Variants in ARAP3 observed in about 807,000 individuals in gnomAD.
ARAP3 encodes ArfGAP with RhoGAP domain, ankyrin repeat and PH domain 3, also known as arf-GAP with Rho-GAP domain, ANK repeat and PH domain-containing protein 3.
A neutral mutation model predicts 169.2 loss-of-function variants in ARAP3; 82 were observed. The observed-to-expected ratio is 0.48, with a 90% CI of 0.41 to 0.58. The LOEUF (loss-of-function observed/expected upper bound fraction) is 0.58, where lower values mean the gene tolerates loss of function less well. Among genes scored for constraint, ARAP3 ranks in the 20% least tolerant of loss-of-function variants. The pLI is 0.00. For synonymous variants in ARAP3, 791 were observed against 800.3 expected, an observed-to-expected ratio of 0.99 and a Z score of 0.20; for missense variants, 1,764 against 2,018.0, an observed-to-expected ratio of 0.87 and a Z score of 2.41.
chr5:141,665,132 A>C, intron 18 of ARAP3, 47 bp from the exon 19 acceptor site: 1 of 1,582,098 alleles, frequency 6.3e-7, no homozygotes, highest in Non-Finnish European at 8.6e-7. Context: ...ACAGGCCCAG[A>C]TGCATGGGGA....
rs1326112098 is a variant in ARAP3 at position 141,658,581 on chromosome 5, T to G, written c.3409A>C (p.Lys1137Gln). The G allele has an allele frequency of 6.2e-7, 1 of 1,613,854 alleles. No homozygotes were observed. The highest frequency in any genetic ancestry group is 1.7e-5 in the Admixed American group (1 of 59,942). The change falls in exon 24 of 33, where the codon AAG (lysine) becomes CAG (glutamine). Residue 1137 changes from lysine (K) to glutamine (Q), a missense_variant and splice_region_variant. Lys to Gln is a moderately conservative substitution (Grantham distance 53, BLOSUM62 1). Around this residue, in one of 3 missense-constraint regions of ARAP3, gnomAD observed 1,112 missense variants for 1,285.7 expected, o/e 0.86. Transcript: ENST00000239440. ...CCTCCAGTCCCCTCAGGACCAACCT[T>G]CAGGGTGACACAGTTGTCTGGGAGC... ...QQLPDNCVTL[K>Q]VSPTLTAEEL... is the part of the protein sequence containing the mutation.
chr5:141,678,946 C>T (rs760581383), intron 4 of ARAP3, among the ~76,000 whole-genome samples: 5 of 152,206 alleles, frequency 3.3e-5, no homozygotes, highest in Admixed American at 1.3e-4. Context: ...CATCTACATC[C>T]GGTGCATGAT....
Position 141,669,712 on chromosome 5 carries a change from G to A in ARAP3, c.2349C>T (p.Gly783=). ...DSLEAWTSAV[G]KWFSPLSCHQ... ...AGAGGGCGCTCTCCTGTCTCACCTT[G>A]CCCACAGCACTAGTCCAGGCCTCCA... The change falls in exon 16 of 33, where the codon GGC becomes GGT. Residue 783 remains glycine (G), a synonymous_variant. Coordinates refer to ENST00000239440, the MANE Select transcript of ARAP3 (RefSeq NM_022481.6). 6.2e-7 allele frequency: 1 copy of A among 1,613,968 alleles called. No homozygotes were observed. Among genetic ancestry groups the A allele is most frequent in the South Asian group, 1.1e-5 (1 of 91,080 alleles).
intron 18 of ARAP3, 60 bp from the exon 19 acceptor site, chr5:141,665,145 A>G: frequency 6.4e-7 from 1 of 1,571,960 alleles, no homozygotes. Context: ...CATGGGGACC[A>G]GACTTCCCAG....
rs1055236049 is a variant in ARAP3, at chr5:141,672,231, G to A, written c.1456C>T (p.Leu486=). Reference sequence around the variant, plus strand: ...TTCTCAGCCACCTCGTAGTCAGACAGGGTCTCGGTTACTGCTTCCTGCAGA... The same window carrying A: ...TTCTCAGCCACCTCGTAGTCAGACAAGGTCTCGGTTACTGCTTCCTGCAGA... The part of the protein sequence containing the change: ...AALQEAVTET[L]SDYEVAEKIW... The change falls in exon 10 of 33, where the codon CTG becomes TTG. Residue 486 remains leucine, a synonymous_variant. Coordinates refer to ENST00000239440, the MANE Select transcript of ARAP3 (RefSeq NM_022481.6). This position sits in a 1 kb window ranked among gnomAD's most constrained non-coding sequence, Gnocchi z 4.9. 1 of 1,614,124 alleles carries A rather than the reference G, an allele frequency of 6.2e-7. No homozygotes were observed. The highest frequency in any genetic ancestry group is 1.3e-5 in the African/African-American group (1 of 74,946).
intron 21 of ARAP3, among the ~76,000 whole-genome samples, chr5:141,660,410 C>T (rs904529500): frequency 4.0e-5 from 6 of 150,918 alleles, no homozygotes; most frequent in African/African-American, 1.2e-4. Flanking sequence ...AGGAGAATGG[C>T]GTGAACCCTG....
chr5:141,666,653 CA>C lies in ARAP3; in HGVS notation c.2353-11del, dbSNP rs1484965848. ...TCAGCGGGGAGAACCACTGTAGAGG[CA>C]GGGGGAGGACAGGAGAAAGGGGGAT... On this transcript the variant is annotated splice_polypyrimidine_tract_variant and intron_variant, in intron 16 of 32. Coordinates refer to ENST00000239440, the MANE Select transcript of ARAP3 (RefSeq NM_022481.6). 2 of 1,351,796 alleles carry C rather than the reference CA, an allele frequency of 1.5e-6. No individual in the cohort carries two copies. Among genetic ancestry groups the C allele is most frequent in the Non-Finnish European group, 1.9e-6 (2 of 1,041,890 alleles). 83.7% of individuals were successfully genotyped at this position (1,351,796 alleles called of 1,614,324 possible).
chr5:141,668,327 A>C (rs921129698), intron 16 of ARAP3, among the ~76,000 whole-genome samples: 1 of 152,176 alleles, frequency 6.6e-6, no homozygotes, highest in Non-Finnish European at 1.5e-5. Flanking sequence ...TCCTGGGCTC[A>C]AGCAATCCTC....
Position 141,671,232 on chromosome 5 carries a change from GT to G in ARAP3, c.1990+32del. ...TCATAGGTTGGGTCTGAGAATTCCT[GT>G]AGGGGAGAGAGGAGGCACTTGGGGG... On this transcript the variant is annotated intron_variant, in intron 13 of 32. Coordinates refer to ENST00000239440, the MANE Select transcript of ARAP3 (RefSeq NM_022481.6). This position sits in a 1 kb window ranked among gnomAD's most constrained non-coding sequence, Gnocchi z 4.9. 6.4e-7 allele frequency: 1 copy of G among 1,565,830 alleles called. No homozygotes were observed. The highest frequency in any genetic ancestry group is 8.7e-7 in the Non-Finnish European group (1 of 1,155,210).
chr5:141,678,171 A>T (rs1013287304), intron 4 of ARAP3, among the ~76,000 whole-genome samples: 2 of 152,032 alleles, frequency 1.3e-5, no homozygotes, highest in Non-Finnish European at 2.9e-5. Flanking sequence ...GGCTGCTCTC[A>T]AACTCCTGAA....
Position 141,672,921 on chromosome 5 carries a change from C to T in ARAP3, c.1098G>A (p.Gln366=). 6.2e-7 allele frequency: 1 copy of T among 1,611,368 alleles called. No homozygotes were observed. Among genetic ancestry groups the T allele is most frequent in the Non-Finnish European group, 8.5e-7 (1 of 1,178,688 alleles). ...GCAGCGTGGAGCACCACATGTCCCGCTGAGCTGGTGGGGATGGAGAAGCAG... is the reference window on the plus strand; with the variant it reads ...GCAGCGTGGAGCACCACATGTCCCGTTGAGCTGGTGGGGATGGAGAAGCAG... ...VFVFRTESEA[Q]RDMWCSTLQS... The change falls in exon 8 of 33, where the codon CAG becomes CAA. Residue 366 remains glutamine, a synonymous_variant. Coordinates refer to ENST00000239440, the MANE Select transcript of ARAP3 (RefSeq NM_022481.6). This position sits in a 1 kb window ranked among gnomAD's most constrained non-coding sequence, Gnocchi z 4.9.
At chr5:141,659,678 G>A in intron 22 of ARAP3, 101 bp downstream of exon 22, 1 of 1,500,712 alleles carries the variant, frequency 6.7e-7, no homozygotes, top group Non-Finnish European at 9.0e-7. Flanking sequence ...GCCACCAGAG[G>A]CCTGGGCTGG....
chr5:141,653,742 T>G lies in ARAP3; in HGVS notation c.*208A>C. 4 of 496,822 alleles carry G rather than the reference T, an allele frequency of 8.1e-6. No individual in the cohort carries two copies. Among genetic ancestry groups the G allele is most frequent in the Non-Finnish European group, 1.0e-5 (3 of 299,720 alleles). 30.8% of individuals were successfully genotyped at this position (496,822 alleles called of 1,614,324 possible). A position where few individuals can be genotyped will look rare whatever the true frequency, so the allele number is the denominator to read the frequency against. ...TGCTCTCCTTACTTCAGTTACCTCA[T>G]GGTATAGATAAATGGGCTGGGCCCA... On this transcript the variant is annotated 3_prime_UTR_variant, in exon 33 of 33. Transcript: ENST00000239440.
intron 18 of ARAP3, 46 bp downstream of exon 18, chr5:141,665,265 C>A: frequency 1.2e-6 from 2 of 1,609,966 alleles, no homozygotes; most frequent in African/African-American, 2.7e-5. Flanking sequence ...AGTATGGGCT[C>A]TGCTCCAGGA....
chr5:141,673,270 A>G, intron 6 of ARAP3, 131 bp downstream of exon 6: 1 of 1,556,918 alleles, frequency 6.4e-7, no homozygotes, highest in Non-Finnish European at 8.8e-7. Flanking sequence ...CAGCTACTTT[A>G]AATGCTGACA....
intron 23 of ARAP3, among the ~76,000 whole-genome samples, chr5:141,658,912 G>A (rs974036637): frequency 3.9e-5 from 6 of 152,226 alleles, no homozygotes; most frequent in Admixed American, 2.0e-4. Flanking sequence ...TCTGCCACTC[G>A]CTACAGGGTG....
At chr5:141,655,257 C>CACACACAG in intron 32 of ARAP3, 105 bp downstream of exon 32, 1 of 1,199,908 alleles carries the variant, frequency 8.3e-7, no homozygotes, top group Non-Finnish European at 1.2e-6. Flanking sequence ...CACACACACA[C>CACACACAG]ACCCCCTGAT....
intron 4 of ARAP3, among the ~76,000 whole-genome samples, 199 bp from the exon 5 acceptor site, chr5:141,674,007 A>G (rs1398157358): frequency 1.6e-5 from 2 of 123,024 alleles, no homozygotes; most frequent in Non-Finnish European, 1.6e-5. Flanking sequence ...CTTGTTGCCC[A>G]GGCTGGAGTG....
At chr5:141,678,176 C>A (rs1279025666) in intron 4 of ARAP3, among the ~76,000 whole-genome samples, 3 of 152,184 alleles carry the variant, frequency 2.0e-5, no homozygotes, top group African/African-American at 7.2e-5. Context: ...CTCTCAAACT[C>A]CTGAACTCAG....
Sources: gnomAD v4.1 joint callset for allele counts (sites outside exome capture counted in the v4.1 genomes callset) on GRCh38, gnomAD v4.1.1 for gene constraint, gnomAD v4.1.1 regional missense constraint, Gnocchi (gnomAD v3.1) non-coding constraint, MANE v1.5 for transcripts, NCBI Gene and HGNC (gene_info 2026-07-23, HGNC 2026-07-21) for gene names.